ARHGAP6: variants seen among roughly 807,000 people sequenced by gnomAD.
ARHGAP6 encodes rho GTPase-activating protein 6.
Under a neutral mutation model 55.7 loss-of-function variants are expected in ARHGAP6, and 16 were observed. The ratio of observed to expected loss-of-function variants is 0.29; its 90% confidence interval spans 0.19 to 0.44. ARHGAP6 has a LOEUF of 0.44. Ranked by LOEUF, ARHGAP6 falls within the 20% of genes least tolerant of loss-of-function variation. ARHGAP6 has a pLI of 1.00. For missense variants in ARHGAP6, 698 were observed against 808.9 expected, an observed-to-expected ratio of 0.86 and a Z score of 1.66; for synonymous variants, 382 against 360.9, an observed-to-expected ratio of 1.06 and a Z score of -0.66.
At chrX:11,387,571 C>G (rs747709871) in intron 1 of ARHGAP6, among the ~76,000 whole-genome samples, 1 of 111,240 alleles carries the variant, frequency 9.0e-6, no homozygotes, top group South Asian at 3.8e-4. Flanking sequence ...TTTTTATTAT[C>G]CTTTAAGTTT....
At chrX:11,218,257 T>C (rs927552764) in intron 2 of ARHGAP6, among the ~76,000 whole-genome samples, 2 of 111,955 alleles carry the variant, frequency 1.8e-5, no homozygotes, top group Non-Finnish European at 3.8e-5. Context: ...AGAAAGTCAA[T>C]GGTAGCTTGA....
chrX:11,391,318 G>A (rs2049402211), intron 1 of ARHGAP6, among the ~76,000 whole-genome samples: 1 of 111,022 alleles, frequency 9.0e-6, no homozygotes, highest in Non-Finnish European at 1.9e-5. Context: ...CTGTTGTGGG[G>A]TGGGCAGAGG....
chrX:11,394,201 G>A (rs184011754), intron 1 of ARHGAP6, among the ~76,000 whole-genome samples: 4 of 111,959 alleles, frequency 3.6e-5, no homozygotes, highest in African/African-American at 1.3e-4. Context: ...AAATCTTAGC[G>A]TAAAGTTGTG....
At chrX:11,417,770 G>A (rs2147773832) in intron 1 of ARHGAP6, among the ~76,000 whole-genome samples, 1 of 111,796 alleles carries the variant, frequency 8.9e-6, no homozygotes, top group South Asian at 3.8e-4. Flanking sequence ...TGCAGACTTG[G>A]CAATCAAATT....
At chrX:11,229,431 T>C (rs2047097082) in intron 2 of ARHGAP6, among the ~76,000 whole-genome samples, 1 of 112,173 alleles carries the variant, frequency 8.9e-6, no homozygotes, top group African/African-American at 3.2e-5. Flanking sequence ...ATTCAAAGTA[T>C]TTTATTAACA....
At chrX:11,324,040 C>A (rs1388868457) in intron 1 of ARHGAP6, among the ~76,000 whole-genome samples, 1 of 111,102 alleles carries the variant, frequency 9.0e-6, no homozygotes, top group Non-Finnish European at 1.9e-5. Context: ...ATAGACATCT[C>A]AATTGGTTCA....
intron 1 of ARHGAP6, among the ~76,000 whole-genome samples, chrX:11,623,876 A>G (rs1373374032): frequency 8.9e-6 from 1 of 111,802 alleles, no homozygotes; most frequent in Non-Finnish European, 1.9e-5. Context: ...GAAATAGGAA[A>G]TCCTAAAATT....
chrX:11,363,129 G>A (rs931243735), intron 1 of ARHGAP6, among the ~76,000 whole-genome samples: 2 of 111,976 alleles, frequency 1.8e-5, no homozygotes, highest in African/African-American at 3.3e-5. Flanking sequence ...TAGCTAATGA[G>A]GCCAACCACC....
chrX:11,301,214 T>C (rs2048171522), intron 1 of ARHGAP6, among the ~76,000 whole-genome samples: 1 of 112,025 alleles, frequency 8.9e-6, no homozygotes. Flanking sequence ...AATTATGTGA[T>C]ATGCATAATA....
At chrX:11,300,823 A>G in intron 1 of ARHGAP6, 1 of 383,637 alleles carries the variant, frequency 2.6e-6, no homozygotes, top group East Asian at 4.1e-5. Context: ...TATATTATGA[A>G]TGAGTATTCT....
chrX:11,619,546 A>C (rs1826381143), intron 1 of ARHGAP6, among the ~76,000 whole-genome samples: 1 of 112,427 alleles, frequency 8.9e-6, no homozygotes, highest in South Asian at 3.7e-4. Flanking sequence ...TCATATGGTT[A>C]ATTCAGGGTT....
At chrX:11,368,690 T>G (rs1013168066) in intron 1 of ARHGAP6, among the ~76,000 whole-genome samples, 6 of 112,198 alleles carry the variant, frequency 5.3e-5, no homozygotes, top group African/African-American at 1.6e-4. Context: ...CTAATATTGC[T>G]GTTGTCAAGC....
intron 10 of ARHGAP6, among the ~76,000 whole-genome samples, chrX:11,154,929 T>C (rs1602742348): frequency 1.8e-5 from 2 of 112,208 alleles, no homozygotes; most frequent in African/African-American, 6.5e-5. Context: ...AATCCAGGCC[T>C]TACTTTCAAC....
At chrX:11,622,869 C>G (rs1196871332) in intron 1 of ARHGAP6, among the ~76,000 whole-genome samples, 2 of 110,366 alleles carry the variant, frequency 1.8e-5, no homozygotes, top group Non-Finnish European at 3.8e-5. Flanking sequence ...AGTATATATT[C>G]AATAAAGACC....
chrX:11,336,736 T>G (rs2048642440), intron 1 of ARHGAP6, among the ~76,000 whole-genome samples: 1 of 111,864 alleles, frequency 8.9e-6, no homozygotes, highest in South Asian at 3.8e-4. Flanking sequence ...CCAAGAGATT[T>G]GGGAAAGAAT....
At chrX:11,230,613 G>GTC (rs1342851516) in intron 2 of ARHGAP6, among the ~76,000 whole-genome samples, 1 of 102,613 alleles carries the variant, frequency 9.7e-6, no homozygotes, top group East Asian at 2.9e-4. Flanking sequence ...TATTAGGAGT[G>GTC]TGTGTGTGTG....
At chrX:11,168,520 G>A (rs1459226993) in intron 9 of ARHGAP6, among the ~76,000 whole-genome samples, 2 of 112,009 alleles carry the variant, frequency 1.8e-5, no homozygotes, top group Non-Finnish European at 3.8e-5. Context: ...TTTACAAAAA[G>A]TAATTAGTAT....
At chrX:11,364,232 C>T (rs896112351) in intron 1 of ARHGAP6, among the ~76,000 whole-genome samples, 11 of 109,563 alleles carry the variant, frequency 1.0e-4, no homozygotes, top group Non-Finnish European at 1.9e-4. Flanking sequence ...GAGTGAGGAT[C>T]GAAAAACTAC....
intron 1 of ARHGAP6, among the ~76,000 whole-genome samples, chrX:11,411,873 G>C (rs189218205): frequency 1.2e-3 from 133 of 110,850 alleles, no homozygotes; most frequent in African/African-American, 4.3e-3. Flanking sequence ...TACTGCGTTG[G>C]ATAACCATCA....
Sources: gnomAD v4.1 joint callset for allele counts (sites outside exome capture counted in the v4.1 genomes callset) on GRCh38, gnomAD v4.1.1 for gene constraint, MANE v1.5 for transcripts, NCBI Gene and HGNC (gene_info 2026-07-23, HGNC 2026-07-21) for gene names.